Variants in SLAIN2 observed in about 807,000 individuals in gnomAD.
SLAIN2 encodes the protein SLAIN motif-containing protein 2.
A neutral mutation model predicts 56.6 loss-of-function variants in SLAIN2; 31 were observed. The ratio of observed to expected loss-of-function variants is 0.55; its 90% CI spans 0.41 to 0.74. The LOEUF (loss-of-function observed/expected upper bound fraction) is 0.74. SLAIN2 is among the 30% of genes least tolerant of loss of function. The pLI is 0.00. For missense variants in SLAIN2, 777 were observed against 754.2 expected, an observed-to-expected ratio of 1.03 and a Z score of -0.35; for synonymous variants, 317 against 284.9, an observed-to-expected ratio of 1.11 and a Z score of -1.13.
chr4:48,342,184 C>G, intron 1 of SLAIN2, 56 bp downstream of exon 1: 1 of 1,329,134 alleles, frequency 7.5e-7, no homozygotes, highest in Non-Finnish European at 9.6e-7. Context: ...GGGCGGAGAG[C>G]GTCCTCTGAG....
chr4:48,383,684 A>ATC lies in SLAIN2; in HGVS notation c.1262_1263dup (p.Asn422LeufsTer8). 1 of 1,607,748 alleles carries ATC rather than the reference A, an allele frequency of 6.2e-7. No homozygotes were observed. The highest frequency in any genetic ancestry group is 8.5e-7 in the Non-Finnish European group (1 of 1,176,220). ...GCAGTCTTCCAAACCTGTCCCGAAC[A>ATC]TCTAATACACAAGTTGACTCAGTGA... On this transcript the variant is annotated frameshift_variant, in exon 6 of 8. Coordinates refer to ENST00000264313, the MANE Select transcript of SLAIN2 (RefSeq NM_020846.2). LOFTEE classifies it high-confidence loss of function.
chr4:48,381,849 A>G (rs1040319168), intron 4 of SLAIN2, among the ~76,000 whole-genome samples: 4 of 152,136 alleles, frequency 2.6e-5, no homozygotes, highest in Admixed American at 6.6e-5. Context: ...TTCATTGACT[A>G]TGTTACGTAT....
intron 1 of SLAIN2, among the ~76,000 whole-genome samples, chr4:48,342,901 T>G (rs2109727965): frequency 6.6e-6 from 1 of 152,152 alleles, no homozygotes; most frequent in Non-Finnish European, 1.5e-5. Context: ...TTTAAAAATT[T>G]AAACCAAAGC....
Position 48,422,171 on chromosome 4 carries a change from C to A in SLAIN2, c.*94C>A. 1.1e-6 allele frequency: 1 copy of A among 912,914 alleles called. No homozygotes were observed. Among genetic ancestry groups the A allele is most frequent in the Non-Finnish European group, 1.7e-6 (1 of 584,046 alleles). 56.6% of individuals were successfully genotyped at this position (912,914 alleles called of 1,614,324 possible). A position where few individuals can be genotyped will look rare whatever the true frequency, so the allele number is the denominator to read the frequency against. On this transcript the variant is annotated 3_prime_UTR_variant, in exon 8 of 8. Transcript: ENST00000264313. ...TTATATGCAGACTGTTCAGATAAGACTCTTGGGATTTATAAAATCCCAGCC... is the reference window on the plus strand; with the variant it reads ...TTATATGCAGACTGTTCAGATAAGAATCTTGGGATTTATAAAATCCCAGCC...
At chr4:48,393,772 A>C (rs776034136) in intron 6 of SLAIN2, among the ~76,000 whole-genome samples, 18 of 152,148 alleles carry the variant, frequency 1.2e-4, no homozygotes, top group Non-Finnish European at 1.6e-4. Context: ...TCAGAGCCAT[A>C]GTAACTGTAT....
At chr4:48,357,899 A>G (rs950527325) in intron 1 of SLAIN2, among the ~76,000 whole-genome samples, 85 of 151,146 alleles carry the variant, frequency 5.6e-4, no homozygotes, top group African/African-American at 2.0e-3. Context: ...GTGTCTCACT[A>G]TGTTGCCCAA....
At position 48,341,706 on chromosome 4, in the gene SLAIN2, G is replaced by GGGCGGCGGAGGC; in HGVS notation, c.-25_-14dup. On this transcript the variant is annotated 5_prime_UTR_variant, in exon 1 of 8. Coordinates refer to ENST00000264313, the MANE Select transcript of SLAIN2 (RefSeq NM_020846.2). The stretch of plus-strand genomic sequence containing the variant: ...TTTCCCTGTCGCTGCGAGAGCGAGC[G>GGGCGGCGGAGGC]GGCGGCGGAGGCGGCGGCGGCGGCG... The GGGCGGCGGAGGC allele has an allele frequency of 5.3e-6, 8 of 1,521,832 alleles. No homozygotes were observed. Among genetic ancestry groups the GGGCGGCGGAGGC allele is most frequent in the South Asian group, 4.9e-5 (4 of 80,954 alleles). The allele number at this position is 1,521,832 out of a possible 1,614,324, so 94.3% of individuals were successfully genotyped here.
At position 48,423,062 on chromosome 4, in the gene SLAIN2, A is replaced by G. The variant is rs921769766; in HGVS notation, c.*985A>G. On this transcript the variant is annotated 3_prime_UTR_variant, in exon 8 of 8. Coordinates refer to ENST00000264313, the MANE Select transcript of SLAIN2 (RefSeq NM_020846.2). The stretch of plus-strand genomic sequence containing the variant: ...ATACCATGAGAGAGAGGGGGAAAAA[A>G]ATCTATGCACTTAACCTACAAAATC... 2 of 152,166 alleles carry G rather than the reference A, an allele frequency of 1.3e-5. No homozygotes were observed. Among genetic ancestry groups the G allele is most frequent in the Non-Finnish European group, 2.9e-5 (2 of 68,026 alleles). The allele number at this position is 152,166 out of a possible 1,614,324, so 9.4% of individuals were successfully genotyped here.
intron 1 of SLAIN2, among the ~76,000 whole-genome samples, chr4:48,360,881 C>T (rs754188087): frequency 1.1e-4 from 17 of 152,172 alleles, no homozygotes; most frequent in Non-Finnish European, 2.2e-4. Flanking sequence ...TGTTTTGTGA[C>T]TGGCTTCTTT....
chr4:48,382,326 G>C (rs1316358727), intron 4 of SLAIN2, among the ~76,000 whole-genome samples: 1 of 152,006 alleles, frequency 6.6e-6, no homozygotes. Context: ...GCTTTAAGAA[G>C]AAATCTGGAA....
chr4:48,420,424 C>G lies in SLAIN2; in HGVS notation c.1660C>G (p.Leu554Val). The G allele has an allele frequency of 6.2e-7, 1 of 1,613,856 alleles. No homozygotes were observed. Among genetic ancestry groups the G allele is most frequent in the East Asian group, 2.2e-5 (1 of 44,882 alleles). Residue 554 changes from leucine to valine, a missense_variant, in exon 7 of 8, where the codon CTT becomes GTT. Leu to Val is a conservative substitution (Grantham distance 32). Transcript: ENST00000264313. Reference sequence around the variant, plus strand: ...GGGCATACCAGTGCCTCGCAGCAAACTTGCACAGCCTGTTCGCAGGTAAGT... The same window carrying G: ...GGGCATACCAGTGCCTCGCAGCAAAGTTGCACAGCCTGTTCGCAGGTAAGT... ...AGGIPVPRSK[L>V]AQPVRRSLPA... is the part of the protein sequence containing the mutation.
At chr4:48,411,281 C>T (rs6841390) in intron 6 of SLAIN2, among the ~76,000 whole-genome samples, 45,124 of 151,916 alleles carry the variant, frequency 0.3, 6,904 homozygotes, top group South Asian at 0.48. Flanking sequence ...CTAGGTCTTT[C>T]CAGGGCAGCA....
At chr4:48,418,611 C>T (rs1717062560) in intron 6 of SLAIN2, among the ~76,000 whole-genome samples, 1 of 152,066 alleles carries the variant, frequency 6.6e-6, no homozygotes, top group Admixed American at 6.6e-5. Context: ...CCGAAGTTTT[C>T]TTTTTTGATA....
intron 3 of SLAIN2, among the ~76,000 whole-genome samples, 192 bp from the exon 4 acceptor site, chr4:48,379,498 A>T (rs1162158539): frequency 6.6e-6 from 1 of 152,076 alleles, no homozygotes; most frequent in Non-Finnish European, 1.5e-5. Flanking sequence ...ATGCCATAGC[A>T]TATAAAGGAG....
chr4:48,384,748 A>G (rs998121054), intron 6 of SLAIN2, among the ~76,000 whole-genome samples: 3 of 152,146 alleles, frequency 2.0e-5, no homozygotes, highest in Non-Finnish European at 4.4e-5. Flanking sequence ...ATTTTGTGGC[A>G]AGTAGTATGT....
chr4:48,341,915 C>T lies in SLAIN2; in HGVS notation c.176C>T (p.Ser59Phe). 2.0e-6 allele frequency: 3 copies of T among 1,506,818 alleles called. No individual in the cohort carries two copies. Among genetic ancestry groups the T allele is most frequent in the East Asian group, 2.8e-5 (1 of 35,570 alleles). 93.3% of individuals were successfully genotyped at this position (1,506,818 alleles called of 1,614,324 possible). Residue 59 changes from serine to phenylalanine, a missense_variant, in exon 1 of 8, where the codon TCC becomes TTC. Physicochemically the swap from Ser to Phe is radical, Grantham distance 155. Transcript: ENST00000264313. ...PVRAGASIPSSGAASPRGFPL... is the reference protein window; with the variant it reads ...PVRAGASIPSFGAASPRGFPL... ...CGGGCCGGCGCGTCCATTCCCTCCTCCGGCGCGGCGTCTCCTCGGGGCTTC... is the reference window on the plus strand; with the variant it reads ...CGGGCCGGCGCGTCCATTCCCTCCTTCGGCGCGGCGTCTCCTCGGGGCTTC...
chr4:48,343,201 C>A (rs957642521), intron 1 of SLAIN2, among the ~76,000 whole-genome samples: 1 of 152,130 alleles, frequency 6.6e-6, no homozygotes, highest in Non-Finnish European at 1.5e-5. Flanking sequence ...TGGGTTCGCC[C>A]CTGGTTTTGC....
chr4:48,409,253 C>A (rs1716782487), intron 6 of SLAIN2, among the ~76,000 whole-genome samples: 1 of 152,116 alleles, frequency 6.6e-6, no homozygotes, highest in Non-Finnish European at 1.5e-5. Context: ...ACTATAGTCA[C>A]CTGGTTGTGC....
At chr4:48,369,719 T>G (rs557775630) in intron 1 of SLAIN2, 130 bp from the exon 2 acceptor site, 2 of 737,818 alleles carry the variant, frequency 2.7e-6, no homozygotes, top group Admixed American at 6.5e-5. Context: ...TAAGTAAATG[T>G]GGGTGATTTA....
Sources: gnomAD v4.1 joint callset for allele counts (sites outside exome capture counted in the v4.1 genomes callset) on GRCh38, gnomAD v4.1.1 for gene constraint, MANE v1.5 for transcripts, NCBI Gene and HGNC (gene_info 2026-07-23, HGNC 2026-07-21) for gene names.